Variants in NIPSNAP2 observed in about 807,000 individuals in gnomAD.
NIPSNAP2 encodes the protein protein NipSnap homolog 2.
A neutral mutation model predicts 48.4 loss-of-function variants in NIPSNAP2; 42 were observed. That is an observed-to-expected ratio of 0.87 (90% CI 0.68 to 1.12). NIPSNAP2 has a LOEUF of 1.12. NIPSNAP2 is among the 50% of genes most tolerant of loss of function. NIPSNAP2 has a pLI of 0.00. For synonymous variants in NIPSNAP2, 158 were observed against 126.6 expected (o/e 1.25, Z -1.67); for missense variants, 314 against 347.3 (o/e 0.90, Z 0.76).
intron 9 of NIPSNAP2, 67 bp from the exon 10 acceptor site, chr7:55,998,941 T>A: frequency 7.9e-7 from 1 of 1,269,660 alleles, no homozygotes; most frequent in Non-Finnish European, 1.2e-6. Context: ...GCAATCTGTC[T>A]GTTAGTGTCA....
intron 1 of NIPSNAP2, among the ~76,000 whole-genome samples, chr7:55,968,787 A>G (rs2116327581): frequency 6.6e-6 from 1 of 152,278 alleles, no homozygotes; most frequent in Admixed American, 6.5e-5. Context: ...GCACTGTAGG[A>G]GGCCAAGGCT....
intron 7 of NIPSNAP2, among the ~76,000 whole-genome samples, chr7:55,990,162 C>T (rs949460529): frequency 1.3e-5 from 2 of 151,458 alleles, no homozygotes; most frequent in African/African-American, 4.8e-5. Context: ...TCTAATTCAA[C>T]AAAAGATTTA....
rs1786851307 is a variant in NIPSNAP2, at chr7:55,964,639, A to G, written c.30A>G (p.Gly10=). 9.3e-7 allele frequency: 1 copy of G among 1,079,772 alleles called. No individual in the cohort carries two copies. Among genetic ancestry groups the G allele is most frequent in the Non-Finnish European group, 1.1e-6 (1 of 892,008 alleles). The allele number at this position is 1,079,772 out of a possible 1,614,324, so 66.9% of individuals were successfully genotyped here. A position where few individuals can be genotyped will look rare whatever the true frequency, so the allele number is the denominator to read the frequency against. The change falls in exon 1 of 10, where the codon GGA becomes GGG. Residue 10 remains glycine, a synonymous_variant. Transcript: ENST00000322090. ...CGGCGCGAGTGCTGCGCGCCCGCGG[A>G]GCGGCCTGGGCCGGCGGCCTCCTGC... The part of the protein sequence containing the change: MAARVLRAR[G]AAWAGGLLQR...
At chr7:55,973,640 ATTT>A (rs113238994) in intron 1 of NIPSNAP2, among the ~76,000 whole-genome samples, 1 of 137,194 alleles carries the variant, frequency 7.3e-6, no homozygotes. Context: ...ACACCCAGCT[ATTT>A]TTTTTTTTTT....
intron 7 of NIPSNAP2, among the ~76,000 whole-genome samples, chr7:55,993,275 G>A (rs948861444): frequency 6.6e-6 from 1 of 151,656 alleles, no homozygotes; most frequent in Non-Finnish European, 1.5e-5. Flanking sequence ...CTCCTGAGTG[G>A]CAGAGTAAGA....
intron 1 of NIPSNAP2, among the ~76,000 whole-genome samples, chr7:55,972,683 C>T (rs1316879261): frequency 1.3e-5 from 2 of 152,122 alleles, no homozygotes; most frequent in African/African-American, 4.8e-5. Flanking sequence ...GCCTCCTTGG[C>T]CTCCCAAAGT....
At chr7:55,984,214 C>A (rs1430842863) in intron 6 of NIPSNAP2, among the ~76,000 whole-genome samples, 1 of 152,104 alleles carries the variant, frequency 6.6e-6, no homozygotes, top group Non-Finnish European at 1.5e-5. Flanking sequence ...AATTATATAA[C>A]ATGATAAGAG....
intron 7 of NIPSNAP2, among the ~76,000 whole-genome samples, chr7:55,988,691 T>C (rs911717900): frequency 6.6e-6 from 1 of 152,072 alleles, no homozygotes; most frequent in East Asian, 1.9e-4. Flanking sequence ...AGACCCCATC[T>C]GTGCTAAAAA....
intron 3 of NIPSNAP2, chr7:55,978,709 G>A (rs1787152711): frequency 3.5e-6 from 1 of 283,430 alleles, no homozygotes; most frequent in Non-Finnish European, 6.6e-6. Flanking sequence ...AGACCTTCCT[G>A]ACTGCCTGTC....
chr7:55,970,513 T>A (rs1338049653), intron 1 of NIPSNAP2, among the ~76,000 whole-genome samples: 2 of 152,004 alleles, frequency 1.3e-5, no homozygotes, highest in African/African-American at 2.4e-5. Context: ...GGTTTGGCCA[T>A]GTTGCCCAGG....
intron 7 of NIPSNAP2, chr7:55,991,763 A>C (rs56337423): frequency 6.5e-6 from 1 of 153,776 alleles, no homozygotes; most frequent in Non-Finnish European, 1.3e-5. Flanking sequence ...AAAAAAAAAA[A>C]AAATATATAT....
At chr7:55,991,472 C>A (rs1336988759) in intron 7 of NIPSNAP2, among the ~76,000 whole-genome samples, 1 of 151,568 alleles carries the variant, frequency 6.6e-6, no homozygotes, top group South Asian at 2.1e-4. Flanking sequence ...TTTGACCAGG[C>A]GCGGTGGCTC....
intron 1 of NIPSNAP2, among the ~76,000 whole-genome samples, chr7:55,971,907 C>T (rs571632442): frequency 1.8e-4 from 27 of 152,120 alleles, no homozygotes; most frequent in Non-Finnish European, 3.7e-4. Flanking sequence ...TTTATTATAT[C>T]CCTTTCTTAA....
intron 7 of NIPSNAP2, among the ~76,000 whole-genome samples, chr7:55,991,195 T>C (rs1451076302): frequency 6.6e-6 from 1 of 152,238 alleles, no homozygotes; most frequent in African/African-American, 2.4e-5. Flanking sequence ...TTATTTCTAA[T>C]GAACCTTTCC....
At chr7:55,980,055 A>G (rs538597248) in intron 3 of NIPSNAP2, 46 of 293,024 alleles carry the variant, frequency 1.6e-4, no homozygotes, top group African/African-American at 9.1e-4. Flanking sequence ...ACTGCCTCCA[A>G]TGCAGGGTTG....
intron 1 of NIPSNAP2, among the ~76,000 whole-genome samples, chr7:55,977,356 A>C (rs1346303136): frequency 6.6e-6 from 1 of 152,062 alleles, no homozygotes; most frequent in East Asian, 1.9e-4. Context: ...GTGCCACTGC[A>C]CTCCAGCTTG....
chr7:55,999,296 G>C lies in NIPSNAP2; in HGVS notation c.*224G>C. On this transcript the variant is annotated 3_prime_UTR_variant, in exon 10 of 10. Transcript: ENST00000322090. ...CTTGTCGTCCTCTTTGAAACACCCC[G>C]TGTTGTCCAGTATACCTTATAACAC... 1.8e-6 allele frequency: 1 copy of C among 552,726 alleles called. No homozygotes were observed. Among genetic ancestry groups the C allele is most frequent in the East Asian group, 3.1e-5 (1 of 31,912 alleles). 34.2% of individuals were successfully genotyped at this position (552,726 alleles called of 1,614,324 possible).
chr7:55,989,859 C>T (rs1342376122), intron 7 of NIPSNAP2, among the ~76,000 whole-genome samples: 1 of 151,702 alleles, frequency 6.6e-6, no homozygotes, highest in Non-Finnish European at 1.5e-5. Context: ...GTAATCCCAG[C>T]ACTTTGGGAG....
At chr7:55,974,732 C>G (rs1318329772) in intron 1 of NIPSNAP2, among the ~76,000 whole-genome samples, 1 of 151,564 alleles carries the variant, frequency 6.6e-6, no homozygotes, top group Non-Finnish European at 1.5e-5. Flanking sequence ...CCTGTAGTCT[C>G]AGCTACTCAG....
Sources: allele counts gnomAD v4.1 joint callset (sites outside exome capture counted in the v4.1 genomes callset), GRCh38; gene constraint gnomAD v4.1.1; transcripts MANE v1.5; gene names NCBI Gene and HGNC (gene_info 2026-07-23, HGNC 2026-07-21).